The following TRIM37 variants were observed in gnomAD, a reference collection of about 807,000 sequenced individuals.
TRIM37 encodes E3 ubiquitin-protein ligase TRIM37.
A neutral mutation model predicts 129.8 loss-of-function variants in TRIM37; 80 were observed. That is an observed-to-expected ratio of 0.62 (90% CI 0.51 to 0.74). The LOEUF is 0.74. TRIM37 is among the 30% of genes least tolerant of loss of function. The probability of loss-of-function intolerance (pLI) is 0.00; values close to 1 mark genes in which losing one functional copy is unlikely to be tolerated. For missense variants in TRIM37, 1,054 were observed against 1,176.5 expected, an observed-to-expected ratio of 0.90 and a Z score of 1.52; for synonymous variants, 389 against 387.1, an observed-to-expected ratio of 1.00 and a Z score of -0.06.
intron 22 of TRIM37, among the ~76,000 whole-genome samples, 153 bp downstream of exon 22, chr17:59,012,175 T>C (rs1018934768): frequency 1.3e-5 from 2 of 149,124 alleles, no homozygotes; most frequent in African/African-American, 5.1e-5. Flanking sequence ...CTCAGTAACA[T>C]TTCCATTAAA....
intron 24 of TRIM37, among the ~76,000 whole-genome samples, chr17:58,987,260 T>C (rs1217769870): frequency 6.6e-6 from 1 of 152,232 alleles, no homozygotes; most frequent in East Asian, 1.9e-4. Context: ...AGTCATTACA[T>C]TGAGTAGTAT....
intron 24 of TRIM37, chr17:58,984,911 T>A (rs1434161627): frequency 6.6e-6 from 1 of 152,670 alleles, no homozygotes; most frequent in Non-Finnish European, 1.5e-5. Context: ...TGTAAACTCT[T>A]ACTCTAGGTG....
chr17:59,091,550 ATTATACATTATATATATAATATATATAAT>A (rs2044344896), intron 2 of TRIM37, among the ~76,000 whole-genome samples: 3 of 9,656 alleles, frequency 3.1e-4, no homozygotes, highest in Admixed American at 1.1e-3. Context: ...TGTATAATAT[ATTATACATTATATATATAATATATATAAT>A]GTATAATATA....
chr17:58,990,607 C>T (rs1324417741), intron 24 of TRIM37, among the ~76,000 whole-genome samples: 2 of 148,160 alleles, frequency 1.3e-5, no homozygotes, highest in African/African-American at 5.0e-5. Context: ...CCTGACCAAC[C>T]TGGTGAAACC....
At chr17:59,028,278 G>A (rs1339253368) in intron 19 of TRIM37, 137 bp downstream of exon 19, 1 of 764,860 alleles carries the variant, frequency 1.3e-6, no homozygotes, top group East Asian at 2.7e-5. Flanking sequence ...AATTTTGGAT[G>A]AAGAAAAAAG....
chr17:59,015,485 G>GT, intron 21 of TRIM37, 125 bp downstream of exon 21: 1 of 987,686 alleles, frequency 1.0e-6, no homozygotes, highest in Non-Finnish European at 1.6e-6. Context: ...TGCAATAAAT[G>GT]TATTTTCTGT....
In TRIM37 at chr17:59,051,289, C is replaced by T. The variant is rs1248414023; in HGVS notation, c.1239G>A (p.Arg413=). The stretch of plus-strand genomic sequence containing the variant: ...ACTGAGTAATGTACCAATGCTGGTC[C>T]CGGGATTTTTGAAAGAAAGTTGGTG... ...VRSPTFFQKS[R]DQHWYITQLE... is the part of the protein sequence containing the mutation. The change falls in exon 14 of 24, where the codon CGG becomes CGA. Residue 413 remains arginine, a synonymous_variant. Transcript: ENST00000262294. 3 of 1,613,560 alleles carry T rather than the reference C, an allele frequency of 1.9e-6. No homozygotes were observed. Among genetic ancestry groups the T allele is most frequent in the East Asian group, 4.5e-5 (2 of 44,822 alleles).
At chr17:58,988,987 G>A (rs1269447968) in intron 24 of TRIM37, among the ~76,000 whole-genome samples, 1 of 152,198 alleles carries the variant, frequency 6.6e-6, no homozygotes, top group East Asian at 1.9e-4. Context: ...GGTCTTAGCA[G>A]CAGGAAAGGC....
At chr17:59,008,843 C>T (rs2034881416) in intron 22 of TRIM37, among the ~76,000 whole-genome samples, 1 of 152,224 alleles carries the variant, frequency 6.6e-6, no homozygotes, top group Non-Finnish European at 1.5e-5. Flanking sequence ...ATCCATTCTC[C>T]AGAATGCAGC....
At chr17:59,061,773 G>A (rs2333409) in intron 11 of TRIM37, among the ~76,000 whole-genome samples, 36,323 of 151,792 alleles carry the variant, frequency 0.24, 4,619 homozygotes, top group African/African-American at 0.32. Context: ...TTCCCCCAAC[G>A]AGACAATGAA....
chr17:59,100,875 A>G (rs1042301196), intron 2 of TRIM37, among the ~76,000 whole-genome samples: 3 of 152,048 alleles, frequency 2.0e-5, no homozygotes, highest in Admixed American at 6.6e-5. Context: ...ATACAAAATT[A>G]GTCAAGCGTG....
the TRIM37 span, among the ~76,000 whole-genome samples, chr17:58,975,674 G>C: frequency 6.6e-6 from 1 of 152,168 alleles, no homozygotes; most frequent in African/African-American, 2.4e-5. Context: ...AGCAGAGATG[G>C]GAGTGGTAGA....
chr17:59,069,218 A>C (rs969113792), intron 9 of TRIM37, among the ~76,000 whole-genome samples: 3 of 151,952 alleles, frequency 2.0e-5, no homozygotes, highest in Admixed American at 6.6e-5. Flanking sequence ...GTGGTGGTGC[A>C]TGCCTATATT....
chr17:59,087,704 G>GA (rs1486883358), intron 4 of TRIM37, among the ~76,000 whole-genome samples: 1 of 152,088 alleles, frequency 6.6e-6, no homozygotes, highest in East Asian at 1.9e-4. Context: ...TGACTCTACA[G>GA]AAAGTGACAA....
intron 13 of TRIM37, among the ~76,000 whole-genome samples, chr17:59,056,142 G>T (rs2146327671): frequency 6.6e-6 from 1 of 152,142 alleles, no homozygotes; most frequent in Non-Finnish European, 1.5e-5. Context: ...GAGGTCACTA[G>T]AAGTTCAACA....
At chr17:59,049,597 G>A (rs537380140) in intron 14 of TRIM37, among the ~76,000 whole-genome samples, 75 of 152,262 alleles carry the variant, frequency 4.9e-4, no homozygotes, top group Admixed American at 1.8e-3. Flanking sequence ...GGGCTCAAAC[G>A]ATCCTACTGC....
chr17:59,007,072 G>C (rs2034578411), intron 22 of TRIM37, among the ~76,000 whole-genome samples: 1 of 151,288 alleles, frequency 6.6e-6, no homozygotes, highest in South Asian at 2.1e-4. Flanking sequence ...TAGAACTGCA[G>C]CAAACATCTT....
At chr17:59,092,092 T>C (rs560644129) in intron 2 of TRIM37, among the ~76,000 whole-genome samples, 12 of 151,848 alleles carry the variant, frequency 7.9e-5, no homozygotes, top group Admixed American at 6.6e-4. Flanking sequence ...AACTTTTAAG[T>C]CTTAAAACAG....
chr17:59,036,414 T>A (rs1599046944), intron 17 of TRIM37, among the ~76,000 whole-genome samples: 1 of 151,638 alleles, frequency 6.6e-6, no homozygotes, highest in Non-Finnish European at 1.5e-5. Context: ...TTGAATCCAG[T>A]GAGTAGGAAA....
Sources: allele counts gnomAD v4.1 joint callset (sites outside exome capture counted in the v4.1 genomes callset), GRCh38; gene constraint gnomAD v4.1.1; transcripts MANE v1.5; gene names NCBI Gene and HGNC (gene_info 2026-07-23, HGNC 2026-07-21).